Variants in RNF150 observed in about 807,000 individuals in gnomAD.
The protein encoded by RNF150 is ring finger protein 150.
A neutral mutation model predicts 39.3 loss-of-function variants in RNF150; 24 were observed. That is an observed-to-expected ratio of 0.61 (90% CI 0.44 to 0.86). The LOEUF (loss-of-function observed/expected upper bound fraction) is 0.86. Ranked by LOEUF, RNF150 falls within the 40% of genes least tolerant of loss-of-function variation. RNF150 has a pLI of 0.00. For missense variants in RNF150, 502 were observed against 587.8 expected (o/e 0.85, Z 1.51); for synonymous variants, 255 against 227.3 (o/e 1.12, Z -1.10).
chr4:141,057,979 T>C (rs1039871570), intron 1 of RNF150, among the ~76,000 whole-genome samples: 1 of 152,260 alleles, frequency 6.6e-6, no homozygotes, highest in East Asian at 1.9e-4. Flanking sequence ...GCCTTTAGCA[T>C]TAATAGCAAG....
Position 141,031,356 on chromosome 4 carries a change from TG to T in RNF150, c.485-63484del, listed in dbSNP as rs1374278601. ...GACACTGGTCTGGGCAAATTTTTTT[TG>T]GGTAAGAGCTAAAAAACACAAGCAA... On this transcript the variant is annotated intron_variant, in intron 1 of 6. Transcript: ENST00000515673. Among the ~76,000 whole-genome samples, 9 of 152,136 alleles carry T rather than the reference TG, an allele frequency of 5.9e-5. No individual in the cohort carries two copies. In the East Asian group the frequency reaches 1.7e-3, roughly 29 times the overall value.
intron 1 of RNF150, among the ~76,000 whole-genome samples, chr4:140,988,413 G>A (rs1237868245): frequency 6.6e-6 from 1 of 152,050 alleles, no homozygotes; most frequent in Non-Finnish European, 1.5e-5. Context: ...TAGCATGCTA[G>A]GCCATTGAAA....
At position 140,860,820 on chromosome 4, in the gene RNF150, T is replaced by A. The variant is rs928948614; in HGVS notation, c.*7441A>T. 6 of 152,194 alleles carry A rather than the reference T, an allele frequency of 3.9e-5. No individual in the cohort carries two copies. The highest frequency in any genetic ancestry group is 5.9e-5 in the Non-Finnish European group (4 of 68,040). The allele number at this position is 152,194 out of a possible 1,614,324, so 9.4% of individuals were successfully genotyped here. Reference sequence around the variant, plus strand: ...TATTTCTTTTTCACATTTTTGCAACTGGCAATTGCTGGTTATTGTCTGCAG... The same window carrying A: ...TATTTCTTTTTCACATTTTTGCAACAGGCAATTGCTGGTTATTGTCTGCAG... On this transcript the variant is annotated 3_prime_UTR_variant, in exon 7 of 7. Coordinates refer to ENST00000515673, the MANE Select transcript of RNF150 (RefSeq NM_020724.2).
chr4:141,125,900 T>C (rs1403020145), intron 1 of RNF150, among the ~76,000 whole-genome samples: 2 of 152,222 alleles, frequency 1.3e-5, no homozygotes, highest in East Asian at 1.9e-4. Context: ...CCTCTAGATA[T>C]GTACTTCTAT....
intron 6 of RNF150, among the ~76,000 whole-genome samples, chr4:140,895,174 G>A (rs1729895261): frequency 6.6e-6 from 1 of 152,106 alleles, no homozygotes; most frequent in Non-Finnish European, 1.5e-5. Context: ...GTAGCATGAG[G>A]GCTAATTGGG....
intron 1 of RNF150, among the ~76,000 whole-genome samples, chr4:141,011,943 T>C (rs7687054): frequency 0.88 from 134,183 of 152,264 alleles, 59,567 homozygotes; most frequent in East Asian, 1. Context: ...TACTGGGTAA[T>C]GCTGAAGAAC....
intron 1 of RNF150, among the ~76,000 whole-genome samples, chr4:140,969,602 T>C (rs1733378561): frequency 6.6e-6 from 1 of 152,038 alleles, no homozygotes; most frequent in African/African-American, 2.4e-5. Context: ...GTTACTGAAG[T>C]AATGGTAGAA....
At chr4:141,104,751 C>T (rs1176816066) in intron 1 of RNF150, among the ~76,000 whole-genome samples, 1 of 152,214 alleles carries the variant, frequency 6.6e-6, no homozygotes, top group South Asian at 2.1e-4. Flanking sequence ...GGCATAAACA[C>T]TGACAATCAT....
At chr4:140,988,574 G>T (rs1336434598) in intron 1 of RNF150, among the ~76,000 whole-genome samples, 5 of 151,884 alleles carry the variant, frequency 3.3e-5, no homozygotes, top group Non-Finnish European at 7.4e-5. Flanking sequence ...GTGCCATGTT[G>T]GTGTGCTGCA....
rs532070866 is a variant in RNF150, at chr4:140,957,747, G to A, written c.736-8375C>T. ...AAAAAATGATGAGTTTATGTCCTTT[G>A]TAGGGACATGGATGAAATTGGAAAT... is the stretch of plus-strand genomic sequence containing the variant. On this transcript the variant is annotated intron_variant, in intron 2 of 6. Coordinates refer to ENST00000515673, the MANE Select transcript of RNF150 (RefSeq NM_020724.2). Among the ~76,000 whole-genome samples the A allele has an allele frequency of 7.2e-5, 11 of 152,164 alleles. No individual in the cohort carries two copies. The East Asian group carries it at 2.1e-3, about 29-fold the overall frequency.
chr4:141,127,643 T>C (rs1726787777), intron 1 of RNF150, among the ~76,000 whole-genome samples: 1 of 152,108 alleles, frequency 6.6e-6, no homozygotes, highest in Non-Finnish European at 1.5e-5. Flanking sequence ...ACAGATATAC[T>C]CCATCCTAGG....
At chr4:140,872,804 A>G (rs1158358096) in intron 6 of RNF150, among the ~76,000 whole-genome samples, 2 of 152,228 alleles carry the variant, frequency 1.3e-5, no homozygotes, top group Non-Finnish European at 2.9e-5. Context: ...TGCATATGCT[A>G]TGTTTGAGAT....
At chr4:140,902,607 A>G (rs939884842) in intron 6 of RNF150, among the ~76,000 whole-genome samples, 2 of 152,090 alleles carry the variant, frequency 1.3e-5, no homozygotes, top group Non-Finnish European at 2.9e-5. Context: ...TTTTTTTTCA[A>G]TATTTATTTC....
chr4:140,903,919 C>T (rs2111256439), intron 6 of RNF150, among the ~76,000 whole-genome samples: 1 of 152,324 alleles, frequency 6.6e-6, no homozygotes, highest in South Asian at 2.1e-4. Context: ...CCTCAACTCT[C>T]CCTGTCAGAG....
intron 2 of RNF150, among the ~76,000 whole-genome samples, chr4:140,962,495 CAT>C (rs145375840): frequency 0.022 from 3,244 of 150,658 alleles, 125 homozygotes; most frequent in African/African-American, 0.075. Flanking sequence ...CACACACACA[CAT>C]ATATATATAT....
At chr4:141,156,444 C>G (rs1727401454) in intron 1 of RNF150, among the ~76,000 whole-genome samples, 1 of 152,032 alleles carries the variant, frequency 6.6e-6, no homozygotes, top group Admixed American at 6.6e-5. Context: ...CAACACCTGA[C>G]TGATTTTTTG....
chr4:141,042,775 C>T (rs1337227549), intron 1 of RNF150, among the ~76,000 whole-genome samples: 1 of 152,022 alleles, frequency 6.6e-6, no homozygotes, highest in African/African-American at 2.4e-5. Context: ...TCTCTCTCTC[C>T]CCTTCCGCCC....
intron 1 of RNF150, among the ~76,000 whole-genome samples, chr4:141,189,830 T>G (rs774928864): frequency 4.6e-5 from 7 of 152,208 alleles, no homozygotes; most frequent in Non-Finnish European, 1.0e-4. Context: ...CTTAGTTTCC[T>G]GGGGTCCGTG....
intron 1 of RNF150, among the ~76,000 whole-genome samples, chr4:141,079,301 T>C (rs1738056887): frequency 6.6e-6 from 1 of 152,224 alleles, no homozygotes; most frequent in Admixed American, 6.5e-5. Context: ...AATTAAACAT[T>C]GCTTCATTCT....
Sources: allele counts gnomAD v4.1 joint callset (sites outside exome capture counted in the v4.1 genomes callset), GRCh38; gene constraint gnomAD v4.1.1; transcripts MANE v1.5; gene names NCBI Gene and HGNC (gene_info 2026-07-23, HGNC 2026-07-21).